Variants in KCNH5 observed in about 807,000 individuals in gnomAD.
KCNH5 encodes the protein voltage-gated delayed rectifier potassium channel KCNH5.
A neutral mutation model predicts 96.1 loss-of-function variants in KCNH5; 46 were observed. The ratio of observed to expected loss-of-function variants is 0.48; its 90% CI spans 0.38 to 0.61. KCNH5 has a LOEUF of 0.61. Among genes scored for constraint, KCNH5 ranks in the 20% least tolerant of loss-of-function variants. The pLI, the probability that KCNH5 is intolerant of heterozygous loss-of-function variation, is 0.00. For synonymous variants in KCNH5, 439 were observed against 449.8 expected, an observed-to-expected ratio of 0.98 and a Z score of 0.30; for missense variants, 907 against 1,225.8, an observed-to-expected ratio of 0.74 and a Z score of 3.88.
chr14:62,813,475 T>C (rs1886912285), intron 8 of KCNH5, among the ~76,000 whole-genome samples: 1 of 152,172 alleles, frequency 6.6e-6, no homozygotes, highest in Non-Finnish European at 1.5e-5. Flanking sequence ...CTTCTTGAGG[T>C]CTTTTACTGC....
At chr14:62,921,940 A>G (rs17223839) in intron 7 of KCNH5, among the ~76,000 whole-genome samples, 21,378 of 152,074 alleles carry the variant, frequency 0.14, 1,753 homozygotes, top group East Asian at 0.38. Context: ...ATAATTTTGT[A>G]CTTAAAAGCT....
chr14:63,028,976 A>G (rs901545880), intron 1 of KCNH5, among the ~76,000 whole-genome samples: 3 of 152,134 alleles, frequency 2.0e-5, no homozygotes, highest in African/African-American at 4.8e-5. Flanking sequence ...CTCTCCATTC[A>G]TCTTTATACT....
At chr14:62,878,663 C>A (rs1299933004) in intron 7 of KCNH5, among the ~76,000 whole-genome samples, 1 of 152,052 alleles carries the variant, frequency 6.6e-6, no homozygotes, top group Non-Finnish European at 1.5e-5. Flanking sequence ...GTTTGAAGGT[C>A]CTTTACATTC....
chr14:62,923,071 A>T (rs1299656550), intron 7 of KCNH5, among the ~76,000 whole-genome samples: 1 of 151,932 alleles, frequency 6.6e-6, no homozygotes, highest in Non-Finnish European at 1.5e-5. Flanking sequence ...ATATAGAATA[A>T]TCATAAAGAC....
intron 7 of KCNH5, among the ~76,000 whole-genome samples, chr14:62,903,270 A>G (rs1888964177): frequency 6.6e-6 from 1 of 152,074 alleles, no homozygotes; most frequent in Non-Finnish European, 1.5e-5. Flanking sequence ...CTACCCACAC[A>G]CACACCCTTG....
chr14:62,931,621 T>G (rs1458204815), intron 7 of KCNH5, among the ~76,000 whole-genome samples: 1 of 152,134 alleles, frequency 6.6e-6, no homozygotes, highest in East Asian at 1.9e-4. Context: ...CAGAAAGGAA[T>G]GATAATTAAC....
At chr14:62,731,305 A>C (rs1391689627) in intron 10 of KCNH5, among the ~76,000 whole-genome samples, 1 of 151,648 alleles carries the variant, frequency 6.6e-6, no homozygotes, top group Non-Finnish European at 1.5e-5. Flanking sequence ...CGTCTAAAAA[A>C]TAATAATAAT....
intron 7 of KCNH5, among the ~76,000 whole-genome samples, chr14:62,851,003 T>A (rs1387813646): frequency 6.6e-6 from 1 of 152,210 alleles, no homozygotes; most frequent in Non-Finnish European, 1.5e-5. Context: ...GGAAGTGGTA[T>A]AAAATCAAGC....
chr14:62,863,016 T>C (rs1453007214), intron 7 of KCNH5, among the ~76,000 whole-genome samples: 2 of 152,300 alleles, frequency 1.3e-5, no homozygotes, highest in Non-Finnish European at 2.9e-5. Flanking sequence ...GGGCCTATTA[T>C]TTTCTTCATG....
rs1171503678 is a variant in KCNH5 at position 62,888,971 on chromosome 14, T to C, written c.1370-39119A>G. The stretch of plus-strand genomic sequence containing the variant: ...CTAATCTGGGACAGGCAAAAGTCAC[T>C]TGGAGTCAAATTTATCCTTAAGTGC... On this transcript the variant is annotated intron_variant, in intron 7 of 10. Coordinates refer to ENST00000322893, the MANE Select transcript of KCNH5 (RefSeq NM_139318.5). Among the ~76,000 whole-genome samples, 3 of 152,220 alleles carry C rather than the reference T, an allele frequency of 2.0e-5. No homozygotes were observed. The South Asian group carries it at 6.2e-4, about 32-fold the overall frequency.
chr14:62,975,455 T>C (rs1890482797), intron 6 of KCNH5, among the ~76,000 whole-genome samples: 1 of 151,734 alleles, frequency 6.6e-6, no homozygotes, highest in Non-Finnish European at 1.5e-5. Flanking sequence ...TAAATCTAAA[T>C]AAGAATTGAC....
At chr14:62,851,508 A>AC (rs1433460819) in intron 7 of KCNH5, among the ~76,000 whole-genome samples, 1 of 137,326 alleles carries the variant, frequency 7.3e-6, no homozygotes, top group African/African-American at 2.5e-5. Flanking sequence ...TAAAAAAAAA[A>AC]AAAAAAACCT....
intron 10 of KCNH5, among the ~76,000 whole-genome samples, chr14:62,759,397 T>C (rs527304420): frequency 1.3e-5 from 2 of 152,162 alleles, no homozygotes; most frequent in African/African-American, 4.8e-5. Flanking sequence ...GTGGCATCAA[T>C]TATGAATTTA....
intron 1 of KCNH5, among the ~76,000 whole-genome samples, chr14:63,021,409 T>C (rs545581049): frequency 5.7e-4 from 87 of 152,342 alleles, no homozygotes; most frequent in African/African-American, 2.1e-3. Context: ...AGTCTCTTCA[T>C]TATGTTCCGA....
chr14:62,942,544 T>A (rs1411290386), intron 7 of KCNH5, among the ~76,000 whole-genome samples: 2 of 152,214 alleles, frequency 1.3e-5, no homozygotes, highest in Admixed American at 1.3e-4. Context: ...CTCCTCTGTA[T>A]GGTGCTGATT....
At chr14:62,791,554 A>T (rs1886435230) in intron 9 of KCNH5, among the ~76,000 whole-genome samples, 2 of 151,688 alleles carry the variant, frequency 1.3e-5, no homozygotes, top group South Asian at 4.1e-4. Context: ...TTAAGGACAC[A>T]CATGGGCTGA....
At chr14:62,747,540 G>A (rs17100325) in intron 10 of KCNH5, among the ~76,000 whole-genome samples, 6,682 of 152,230 alleles carry the variant, frequency 0.044, 313 homozygotes, top group East Asian at 0.24. Flanking sequence ...AGATAGCAGG[G>A]TTCTCAGCCA....
intron 7 of KCNH5, among the ~76,000 whole-genome samples, chr14:62,864,192 T>G (rs1032841674): frequency 6.6e-6 from 1 of 152,192 alleles, no homozygotes. Flanking sequence ...TTTTAAAAAG[T>G]GTATAAAGAC....
chr14:62,870,534 A>C (rs995711570), intron 7 of KCNH5, among the ~76,000 whole-genome samples: 13 of 152,100 alleles, frequency 8.5e-5, no homozygotes, highest in African/African-American at 3.1e-4. Flanking sequence ...ATAGGTAATA[A>C]TTTTTTTAAC....
Sources: gnomAD v4.1 joint callset for allele counts (sites outside exome capture counted in the v4.1 genomes callset) on GRCh38, gnomAD v4.1.1 for gene constraint, MANE v1.5 for transcripts, NCBI Gene and HGNC (gene_info 2026-07-23, HGNC 2026-07-21) for gene names.